Variants in COG7 observed in about 807,000 individuals in gnomAD.
COG7 encodes component of oligomeric golgi complex 7.
In COG7, 49 loss-of-function variants were observed where a neutral mutation model predicts 91.5. The ratio of observed to expected loss-of-function variants is 0.54; its 90% CI spans 0.43 to 0.68. The LOEUF is 0.68. Ranked by LOEUF, COG7 falls within the 30% of genes least tolerant of loss-of-function variation. COG7 has a pLI of 0.00. For missense variants in COG7, 895 were observed against 961.3 expected, an observed-to-expected ratio of 0.93 and a Z score of 0.91; for synonymous variants, 365 against 388.7, an observed-to-expected ratio of 0.94 and a Z score of 0.72.
At chr16:23,390,955 T>C (rs1963185910) in intron 16 of COG7, among the ~76,000 whole-genome samples, 1 of 152,282 alleles carries the variant, frequency 6.6e-6, no homozygotes, top group African/African-American at 2.4e-5. Context: ...CATTTTTGTT[T>C]GGCGAGCAGT....
At chr16:23,443,575 C>A (rs1964135310) in intron 3 of COG7, among the ~76,000 whole-genome samples, 1 of 151,956 alleles carries the variant, frequency 6.6e-6, no homozygotes, top group Non-Finnish European at 1.5e-5. Flanking sequence ...CCTGTAATCC[C>A]AGCTACTCGG....
chr16:23,410,182 G>C, intron 11 of COG7, 113 bp downstream of exon 11: 1 of 803,324 alleles, frequency 1.2e-6, no homozygotes, highest in East Asian at 2.6e-5. Flanking sequence ...CAGTCCTCCA[G>C]CCCTGTGGCC....
chr16:23,445,969 T>TAAAAAAAAAAAAAAAAAAA lies in COG7; in HGVS notation c.170-9_170-8insTTTTTTTTTTTTTTTTTTT. ...GAGCTTGGTGACTTGTTTCTGTAGT[T>TAAAAAAAAAAAAAAAAAAA]AAAAAAAAAAAAAAAAACAACAACA... On this transcript the variant is annotated splice_polypyrimidine_tract_variant and intron_variant, in intron 1 of 16. Coordinates refer to ENST00000307149, the MANE Select transcript of COG7 (RefSeq NM_153603.4). 1 of 1,491,866 alleles carries TAAAAAAAAAAAAAAAAAAA rather than the reference T, an allele frequency of 6.7e-7. No individual in the cohort carries two copies. The allele number at this position is 1,491,866 out of a possible 1,614,324, so 92.4% of individuals were successfully genotyped here.
intron 13 of COG7, among the ~76,000 whole-genome samples, chr16:23,399,809 G>A (rs1596912081): frequency 6.6e-6 from 1 of 152,032 alleles, no homozygotes; most frequent in Non-Finnish European, 1.5e-5. Flanking sequence ...GAAAGAGAGA[G>A]GAAACTTACC....
At chr16:23,403,932 T>C (rs1311028939) in intron 12 of COG7, 98 bp from the exon 13 acceptor site, 21 of 1,435,402 alleles carry the variant, frequency 1.5e-5, no homozygotes, top group Non-Finnish European at 1.9e-5. Flanking sequence ...GAACTGGGGG[T>C]TCTATGCAAT....
At position 23,398,065 on chromosome 16, in the gene COG7, G is replaced by A. The variant is rs1217899838; in HGVS notation, c.1868C>T (p.Pro623Leu). 14 of 1,614,014 alleles carry A rather than the reference G, an allele frequency of 8.7e-6. No homozygotes were observed. The highest frequency in any genetic ancestry group is 1.0e-5 in the Non-Finnish European group (12 of 1,179,996). ...TDELPAFSLTPLEYISNIGQY... is the reference protein window; with the variant it reads ...TDELPAFSLTLLEYISNIGQY... ...TCTTACGTTGCTGATGTACTCGAGA[G>A]GGGTGAGACTAAAGGCGGGCAGTTC... The change falls in exon 14 of 17, where the codon CCT (proline) becomes CTT (leucine). Residue 623 changes from proline to leucine, a missense_variant. Coordinates refer to ENST00000307149, the MANE Select transcript of COG7 (RefSeq NM_153603.4).
chr16:23,402,724 T>C (rs2142064931), intron 13 of COG7, among the ~76,000 whole-genome samples: 1 of 152,340 alleles, frequency 6.6e-6, no homozygotes, highest in African/African-American at 2.4e-5. Flanking sequence ...ATAGATCTCA[T>C]GGCATTTTGC....
chr16:23,432,448 T>C (rs1963949281), intron 6 of COG7, among the ~76,000 whole-genome samples: 1 of 152,004 alleles, frequency 6.6e-6, no homozygotes, highest in Non-Finnish European at 1.5e-5. Context: ...TCTATTTCAA[T>C]AGCTCTCTAT....
At chr16:23,438,617 A>C (rs1319484405) in intron 4 of COG7, among the ~76,000 whole-genome samples, 1 of 152,148 alleles carries the variant, frequency 6.6e-6, no homozygotes, top group Non-Finnish European at 1.5e-5. Context: ...TTTTCCAGGA[A>C]TATACAAATA....
At chr16:23,447,500 C>G (rs909164087) in intron 1 of COG7, among the ~76,000 whole-genome samples, 3 of 152,002 alleles carry the variant, frequency 2.0e-5, no homozygotes, top group South Asian at 2.1e-4. Flanking sequence ...CATAAGCCAC[C>G]GCACCTGGCC....
intron 10 of COG7, among the ~76,000 whole-genome samples, 171 bp from the exon 11 acceptor site, chr16:23,410,531 A>C (rs1963545720): frequency 6.6e-6 from 1 of 152,124 alleles, no homozygotes; most frequent in Non-Finnish European, 1.5e-5. Flanking sequence ...ATTAGTCATT[A>C]ATGTAAAAAG....
rs768376464 is a variant in COG7, at chr16:23,424,951, C to T, written c.811-4G>A. ...CCTCGTGGGGCTTCTGGAAAACCTG[C>T]AGTGAGAGAGAGGTGTACCTGCCTT... On this transcript the variant is annotated splice_region_variant and splice_polypyrimidine_tract_variant and intron_variant, in intron 6 of 16. Coordinates refer to ENST00000307149, the MANE Select transcript of COG7 (RefSeq NM_153603.4). 1 of 1,595,360 alleles carries T rather than the reference C, an allele frequency of 6.3e-7. No homozygotes were observed. The highest frequency in any genetic ancestry group is 8.6e-7 in the Non-Finnish European group (1 of 1,169,506).
At chr16:23,405,673 C>T (rs2142066901) in intron 12 of COG7, among the ~76,000 whole-genome samples, 1 of 152,160 alleles carries the variant, frequency 6.6e-6, no homozygotes, top group South Asian at 2.1e-4. Flanking sequence ...CGTGCCACCA[C>T]ACCTGGCTAA....
At chr16:23,399,850 A>G (rs1386048836) in intron 13 of COG7, among the ~76,000 whole-genome samples, 1 of 152,108 alleles carries the variant, frequency 6.6e-6, no homozygotes, top group East Asian at 1.9e-4. Context: ...ACATCCCAAT[A>G]AATCTCTACG....
In COG7 at chr16:23,445,869, T is replaced by C. The variant is rs1424367329; in HGVS notation, c.262A>G (p.Ile88Val). The C allele has an allele frequency of 1.2e-6, 2 of 1,613,626 alleles. No homozygotes were observed. Among genetic ancestry groups the C allele is most frequent in the African/African-American group, 1.3e-5 (1 of 74,846 alleles). ...QEASFLKEQM[I>V]LVKEDIKKFE... ...TTTTTAATGTCCTCCTTGACAAGAA[T>C]CATCTGTTCTTTCAGGAAAGATGCC... Residue 88 changes from isoleucine to valine, a missense_variant, in exon 2 of 17, where the codon ATT (isoleucine) becomes GTT (valine). Coordinates refer to ENST00000307149, the MANE Select transcript of COG7 (RefSeq NM_153603.4).
chr16:23,414,866 T>A (rs542534993), intron 9 of COG7: 15 of 152,308 alleles, frequency 9.8e-5, no homozygotes, highest in African/African-American at 3.6e-4. Flanking sequence ...ACGAAACCTG[T>A]GACATTTGCA....
intron 13 of COG7, among the ~76,000 whole-genome samples, chr16:23,400,879 A>G (rs1963363832): frequency 6.6e-6 from 1 of 150,682 alleles, no homozygotes; most frequent in South Asian, 2.2e-4. Flanking sequence ...CTGAGGCATG[A>G]GAAGTGTTTG....
intron 13 of COG7, among the ~76,000 whole-genome samples, chr16:23,399,198 C>T (rs1480025827): frequency 2.0e-5 from 3 of 152,300 alleles, no homozygotes; most frequent in African/African-American, 4.8e-5. Context: ...CAGCCCTCCC[C>T]GTGCTCTCTA....
At chr16:23,416,917 C>G in intron 9 of COG7, 50 bp downstream of exon 9, 1 of 1,610,936 alleles carries the variant, frequency 6.2e-7, no homozygotes, top group Non-Finnish European at 8.5e-7. Context: ...TTATCTGGGA[C>G]AGACACTGCT....
Sources: gnomAD v4.1 joint callset for allele counts (sites outside exome capture counted in the v4.1 genomes callset) on GRCh38, gnomAD v4.1.1 for gene constraint, MANE v1.5 for transcripts, NCBI Gene and HGNC (gene_info 2026-07-23, HGNC 2026-07-21) for gene names.